The following NELL2 variants were observed in gnomAD, a reference collection of about 807,000 sequenced individuals.
NELL2 encodes neural EGFL like 2.
NELL2 carries 41 observed loss-of-function variants against 109.6 expected under a neutral mutation model. The observed-to-expected ratio is 0.37, with a 90% confidence interval of 0.29 to 0.49. The LOEUF (loss-of-function observed/expected upper bound fraction) is 0.49, where lower values mean the gene tolerates loss of function less well. Ranked by LOEUF, NELL2 falls within the 20% of genes least tolerant of loss-of-function variation. The pLI, the probability that NELL2 is intolerant of heterozygous loss-of-function variation, is 0.98. For missense variants in NELL2, 900 were observed against 1,008.3 expected (o/e 0.89, Z 1.45); for synonymous variants, 355 against 344.7 (o/e 1.03, Z -0.33).
chr12:44,608,928 T>A lies in NELL2; in HGVS notation c.1568-1664A>T, dbSNP rs1374812962. Among the ~76,000 whole-genome samples, 8 of 150,144 alleles carry A rather than the reference T, an allele frequency of 5.3e-5. No homozygotes were observed. The South Asian group carries it at 6.3e-4, about 12-fold the overall frequency. ...TACATATATATATGTATATATATAT[T>A]TTTCCTATACAGACATACTATGATA... On this transcript the variant is annotated intron_variant, in intron 14 of 19. Coordinates refer to ENST00000429094, the MANE Select transcript of NELL2 (RefSeq NM_001145108.2).
At chr12:44,914,333 A>G (rs1008112252), upstream of NELL2, among the ~76,000 whole-genome samples, 5 of 152,108 alleles carry the variant, frequency 3.3e-5, no homozygotes, top group African/African-American at 1.2e-4. Context: ...CAATATTTCT[A>G]AAACAAGCAG....
intron 12 of NELL2, among the ~76,000 whole-genome samples, chr12:44,676,573 G>C (rs191086943): frequency 6.6e-6 from 1 of 152,044 alleles, no homozygotes; most frequent in Non-Finnish European, 1.5e-5. Flanking sequence ...CAAAATAATG[G>C]CCACAAATTT....
At chr12:44,680,192 A>G (rs1449183721) in intron 12 of NELL2, among the ~76,000 whole-genome samples, 4 of 152,128 alleles carry the variant, frequency 2.6e-5, no homozygotes, top group East Asian at 3.9e-4. Context: ...TGAACATTAC[A>G]TCAGTGTTTT....
intron 3 of NELL2, among the ~76,000 whole-genome samples, chr12:44,805,783 A>G (rs1183643346): frequency 6.6e-6 from 1 of 151,892 alleles, no homozygotes; most frequent in Non-Finnish European, 1.5e-5. Flanking sequence ...ATTAATTGCA[A>G]TACCAAATAT....
At chr12:44,814,077 A>G (rs547730201) in intron 3 of NELL2, among the ~76,000 whole-genome samples, 2 of 152,328 alleles carry the variant, frequency 1.3e-5, no homozygotes, top group South Asian at 4.1e-4. Flanking sequence ...AACCAATACA[A>G]ACACTGACCA....
At chr12:44,532,855 C>A (rs1314435243) in intron 15 of NELL2, 134 bp from the exon 16 acceptor site, 3 of 813,444 alleles carry the variant, frequency 3.7e-6, no homozygotes, top group East Asian at 2.7e-5. Flanking sequence ...TTAAGAAAGT[C>A]TACTTGTTTG....
At chr12:44,627,369 G>T (rs1465992459) in intron 13 of NELL2, among the ~76,000 whole-genome samples, 1 of 150,368 alleles carries the variant, frequency 6.7e-6, no homozygotes, top group Non-Finnish European at 1.5e-5. Flanking sequence ...TTTGAATCAA[G>T]AATCTATTCT....
chr12:44,627,699 TA>T (rs200823348), intron 13 of NELL2, among the ~76,000 whole-genome samples: 2 of 150,986 alleles, frequency 1.3e-5, no homozygotes, highest in East Asian at 1.9e-4. Flanking sequence ...TCCCCTTTCT[TA>T]AAAAAAAACA....
At chr12:44,807,330 TACAC>T (rs3038988) in intron 3 of NELL2, among the ~76,000 whole-genome samples, 7,038 of 148,350 alleles carry the variant, frequency 0.047, 531 homozygotes, top group African/African-American at 0.16. Flanking sequence ...TTTTGCTCTT[TACAC>T]ACACACACAC....
intron 13 of NELL2, among the ~76,000 whole-genome samples, chr12:44,655,600 G>C (rs1762050835): frequency 6.6e-6 from 1 of 152,206 alleles, no homozygotes; most frequent in Admixed American, 6.5e-5. Flanking sequence ...TCTGTTCTCT[G>C]TGAGTTTTCT....
chr12:44,843,737 C>T (rs1182480927), intron 2 of NELL2, among the ~76,000 whole-genome samples: 1 of 152,128 alleles, frequency 6.6e-6, no homozygotes, highest in East Asian at 1.9e-4. Context: ...AAGATGAAGC[C>T]TTGGCCTGGC....
In NELL2 at chr12:44,909,191, C is replaced by T. The variant is rs1945752234; in HGVS notation, c.38+4608G>A. On this transcript the variant is annotated intron_variant, in intron 1 of 20. Coordinates refer to the NELL2 transcript ENST00000333837. Reference sequence around the variant, plus strand: ...TATACCTAGAAAACTCCAAAGACTCCACCAAAAGGCTACTGAAACTGATAA... The same window carrying T: ...TATACCTAGAAAACTCCAAAGACTCTACCAAAAGGCTACTGAAACTGATAA... Among the ~76,000 whole-genome samples the T allele has an allele frequency of 2.0e-5, 3 of 151,804 alleles. No individual in the cohort carries two copies. The South Asian group carries it at 6.2e-4, about 31-fold the overall frequency.
intron 12 of NELL2, among the ~76,000 whole-genome samples, chr12:44,688,419 G>A (rs937566588): frequency 2.0e-4 from 31 of 152,132 alleles, no homozygotes; most frequent in African/African-American, 6.3e-4. Flanking sequence ...AAGTATACAA[G>A]CTTAATGACA....
At chr12:44,670,890 T>C (rs1377379283) in intron 12 of NELL2, among the ~76,000 whole-genome samples, 1 of 152,130 alleles carries the variant, frequency 6.6e-6, no homozygotes, top group Non-Finnish European at 1.5e-5. Context: ...GGGCAGATCA[T>C]ATAGACAGAA....
chr12:44,524,536 T>C (rs1046238206), intron 16 of NELL2, among the ~76,000 whole-genome samples: 1 of 152,132 alleles, frequency 6.6e-6, no homozygotes, highest in Non-Finnish European at 1.5e-5. Context: ...AAAAATAAAG[T>C]TTAGGAAATA....
At chr12:44,700,560 T>C (rs1285104659) in intron 12 of NELL2, among the ~76,000 whole-genome samples, 1 of 152,144 alleles carries the variant, frequency 6.6e-6, no homozygotes, top group Non-Finnish European at 1.5e-5. Context: ...GATTTACCCA[T>C]GTAAGAAATT....
At chr12:44,886,028 T>C (rs1945467145) in intron 1 of NELL2, among the ~76,000 whole-genome samples, 1 of 150,512 alleles carries the variant, frequency 6.6e-6, no homozygotes, top group African/African-American at 2.5e-5. Flanking sequence ...GATTTTTCAA[T>C]GGATAAAAGA....
chr12:44,821,888 T>C (rs1297438693), intron 2 of NELL2, among the ~76,000 whole-genome samples: 1 of 58,046 alleles, frequency 1.7e-5, no homozygotes, highest in Non-Finnish European at 3.6e-5. Flanking sequence ...CGGCTGGTTT[T>C]ATTTATTTAT....
At chr12:44,877,853 A>G (rs904756982), upstream of NELL2, among the ~76,000 whole-genome samples, 2 of 152,204 alleles carry the variant, frequency 1.3e-5, no homozygotes, top group African/African-American at 4.8e-5. Context: ...GGATTGTCAT[A>G]TGCAATTTCC....
Sources: allele counts gnomAD v4.1 joint callset (sites outside exome capture counted in the v4.1 genomes callset), GRCh38; gene constraint gnomAD v4.1.1; transcripts MANE v1.5; gene names NCBI Gene and HGNC (gene_info 2026-07-23, HGNC 2026-07-21).